The following CSMD3 variants were observed in gnomAD, a reference collection of about 807,000 sequenced individuals.
CSMD3 encodes CUB and Sushi multiple domains 3, also known as CUB and sushi domain-containing protein 3.
Under a neutral mutation model 435.2 loss-of-function variants are expected in CSMD3, and 177 were observed. The ratio of observed to expected loss-of-function variants is 0.41; its 90% CI spans 0.36 to 0.46. The LOEUF is 0.46. Among genes scored for constraint, CSMD3 ranks in the 20% least tolerant of loss-of-function variants. The pLI is 0.34. For missense variants in CSMD3, 4,265 were observed against 4,504.6 expected, an observed-to-expected ratio of 0.95 and a Z score of 1.52; for synonymous variants, 1,656 against 1,520.5, an observed-to-expected ratio of 1.09 and a Z score of -2.07.
At chr8:113,285,495 G>A (rs867210664) in intron 2 of CSMD3, among the ~76,000 whole-genome samples, 22 of 152,120 alleles carry the variant, frequency 1.4e-4, no homozygotes, top group Middle Eastern at 3.4e-3. Flanking sequence ...TCCTGACCTC[G>A]TGATCCGCCT....
At chr8:112,235,880 A>C (rs11786836) in intron 67 of CSMD3, among the ~76,000 whole-genome samples, 1 of 151,950 alleles carries the variant, frequency 6.6e-6, no homozygotes, top group East Asian at 1.9e-4. Flanking sequence ...CCATATATAT[A>C]GAAAACTCTT....
At chr8:112,863,245 T>C (rs954100055) in intron 10 of CSMD3, among the ~76,000 whole-genome samples, 5 of 152,108 alleles carry the variant, frequency 3.3e-5, no homozygotes, top group Admixed American at 1.3e-4. Context: ...ATTTTATATC[T>C]CACTCAAGAA....
At chr8:113,134,065 T>C (rs976059675) in intron 4 of CSMD3, among the ~76,000 whole-genome samples, 2 of 152,112 alleles carry the variant, frequency 1.3e-5, no homozygotes, top group African/African-American at 2.4e-5. Context: ...GTTACCACAA[T>C]TTGAACAAAA....
intron 10 of CSMD3, among the ~76,000 whole-genome samples, chr8:112,896,011 T>G (rs1477139510): frequency 6.6e-6 from 1 of 151,538 alleles, no homozygotes; most frequent in Non-Finnish European, 1.5e-5. Flanking sequence ...CTGTACTGGT[T>G]TTAAACATGT....
At chr8:113,332,410 T>A (rs1401200347) in intron 1 of CSMD3, among the ~76,000 whole-genome samples, 1 of 151,268 alleles carries the variant, frequency 6.6e-6, no homozygotes, top group East Asian at 1.9e-4. Context: ...TAAAAACTGT[T>A]AGAATGAAAA....
chr8:112,423,233 A>T (rs1388465196), intron 32 of CSMD3, among the ~76,000 whole-genome samples: 4 of 152,190 alleles, frequency 2.6e-5, no homozygotes, highest in African/African-American at 7.2e-5. Context: ...GGGAAGGTGA[A>T]CACTTCTAAA....
intron 55 of CSMD3, among the ~76,000 whole-genome samples, chr8:112,292,280 C>A (rs931394710): frequency 6.6e-6 from 1 of 152,018 alleles, no homozygotes; most frequent in South Asian, 2.1e-4. Context: ...GAAATTAACT[C>A]TACCACTTTT....
chr8:113,304,996 T>C (rs1389348077), intron 2 of CSMD3, among the ~76,000 whole-genome samples: 3 of 150,270 alleles, frequency 2.0e-5, no homozygotes, highest in Admixed American at 6.6e-5. Context: ...TTCATGTCCT[T>C]TGTAGGGACA....
chr8:112,616,352 A>G (rs182793242), intron 22 of CSMD3, among the ~76,000 whole-genome samples: 14 of 152,318 alleles, frequency 9.2e-5, no homozygotes, highest in Non-Finnish European at 2.9e-5. Context: ...AAAGAAATAT[A>G]TATTTAATGA....
At chr8:112,595,839 CT>C (rs1831653778) in intron 22 of CSMD3, among the ~76,000 whole-genome samples, 1 of 103,160 alleles carries the variant, frequency 9.7e-6, no homozygotes, top group Non-Finnish European at 1.9e-5. Context: ...ACCACCAGGC[CT>C]GCCCTAAAAG....
intron 57 of CSMD3, among the ~76,000 whole-genome samples, chr8:112,287,900 T>C (rs1235933445): frequency 6.6e-6 from 1 of 152,136 alleles, no homozygotes; most frequent in Non-Finnish European, 1.5e-5. Context: ...AACTAGGCGT[T>C]CATCTTTTGA....
chr8:113,420,238 T>C (rs948858262), intron 1 of CSMD3, among the ~76,000 whole-genome samples: 3 of 152,116 alleles, frequency 2.0e-5, no homozygotes, highest in Non-Finnish European at 2.9e-5. Flanking sequence ...ACACAATGTT[T>C]TCAAATTAGA....
chr8:113,246,021 C>T lies in CSMD3; in HGVS notation c.514+32571G>A, dbSNP rs138659033. ...TGTGTGATTAGTTGTTTTTCTTTTA[C>T]TGCTTTCAAGTTTCTCTCTTTTAGA... On this transcript the variant is annotated intron_variant, in intron 3 of 70. Transcript: ENST00000297405. Among the ~76,000 whole-genome samples, 4 of 152,042 alleles carry T rather than the reference C, an allele frequency of 2.6e-5. No homozygotes were observed. In the East Asian group the frequency reaches 7.7e-4, roughly 29 times the overall value.
At chr8:112,800,048 A>C (rs1440731074) in intron 13 of CSMD3, 114 bp downstream of exon 13, 7 of 712,082 alleles carry the variant, frequency 9.8e-6, no homozygotes, top group Non-Finnish European at 1.8e-5. Flanking sequence ...CTTTGTTGAA[A>C]TGTAGCATGT....
At chr8:112,229,497 T>A (rs1812888106) in intron 69 of CSMD3, among the ~76,000 whole-genome samples, 1 of 152,074 alleles carries the variant, frequency 6.6e-6, no homozygotes, top group African/African-American at 2.4e-5. Flanking sequence ...GGAGTGGTCG[T>A]GGCTGACTGC....
chr8:112,274,563 G>A (rs1303907895), intron 59 of CSMD3, among the ~76,000 whole-genome samples: 3 of 152,164 alleles, frequency 2.0e-5, no homozygotes, highest in African/African-American at 7.2e-5. Flanking sequence ...TGAGGAAACT[G>A]CCCATGGTTT....
chr8:113,074,975 T>A (rs2089278446), intron 5 of CSMD3, among the ~76,000 whole-genome samples: 1 of 151,802 alleles, frequency 6.6e-6, no homozygotes, highest in Non-Finnish European at 1.5e-5. Flanking sequence ...TTAGTAAAAC[T>A]TATTAATTAT....
intron 59 of CSMD3, among the ~76,000 whole-genome samples, chr8:112,280,099 C>T (rs1342756212): frequency 1.3e-5 from 2 of 152,166 alleles, no homozygotes; most frequent in African/African-American, 2.4e-5. Context: ...CCACACAATA[C>T]AAGGCCATGC....
intron 7 of CSMD3, among the ~76,000 whole-genome samples, chr8:112,956,532 A>C (rs2084026188): frequency 6.6e-6 from 1 of 152,162 alleles, no homozygotes; most frequent in South Asian, 2.1e-4. Flanking sequence ...TGACTTTATA[A>C]GTATTAAAAA....
Sources: gnomAD v4.1 joint callset for allele counts (sites outside exome capture counted in the v4.1 genomes callset) on GRCh38, gnomAD v4.1.1 for gene constraint, MANE v1.5 for transcripts, NCBI Gene and HGNC (gene_info 2026-07-23, HGNC 2026-07-21) for gene names.